Variants in AJAP1 observed in about 807,000 individuals in gnomAD.
AJAP1 encodes adherens junctions associated protein 1, also known as adherens junction-associated protein 1.
AJAP1 carries 5 observed loss-of-function variants against 35.0 expected under a neutral mutation model. That is an observed-to-expected ratio of 0.14 (90% CI 0.07 to 0.30). The LOEUF (loss-of-function observed/expected upper bound fraction) is 0.30, where lower values mean the gene tolerates loss of function less well. AJAP1 is among the 10% of genes least tolerant of loss of function. The probability of loss-of-function intolerance (pLI) is 1.00; values close to 1 mark genes in which losing one functional copy is unlikely to be tolerated. For synonymous variants in AJAP1, 284 were observed against 249.3 expected (o/e 1.14, Z -1.31); for missense variants, 586 against 571.0 (o/e 1.03, Z -0.27).
At chr1:4,733,946 T>C (rs1285253810) in intron 2 of AJAP1, among the ~76,000 whole-genome samples, 1 of 148,974 alleles carries the variant, frequency 6.7e-6, no homozygotes. Context: ...TCAAAGGAGG[T>C]GGGGGCGGGG....
At chr1:4,691,181 G>A (rs72857961) in intron 1 of AJAP1, among the ~76,000 whole-genome samples, 4,423 of 152,320 alleles carry the variant, frequency 0.029, 210 homozygotes, top group African/African-American at 0.1. Context: ...GTCCCCATCA[G>A]GCTCCCGGAA....
intron 2 of AJAP1, among the ~76,000 whole-genome samples, chr1:4,744,743 C>A (rs1448191841): frequency 6.6e-6 from 1 of 152,144 alleles, no homozygotes; most frequent in African/African-American, 2.4e-5. Context: ...CACATGCAGA[C>A]ACGAAACACA....
At chr1:4,658,479 C>T (rs1399310656) in intron 1 of AJAP1, among the ~76,000 whole-genome samples, 3 of 152,248 alleles carry the variant, frequency 2.0e-5, no homozygotes, top group African/African-American at 7.2e-5. Flanking sequence ...ACGCGCAGTC[C>T]ACAAACATTG....
Position 4,730,284 on chromosome 1 carries a change from A to T in AJAP1, c.829+17585A>T, listed in dbSNP as rs1640767614. Among the ~76,000 whole-genome samples the T allele has an allele frequency of 1.3e-5, 2 of 152,214 alleles. 1 individual carries two copies. Among genetic ancestry groups the T allele is most frequent in the South Asian group, 4.1e-4 (2 of 4,830 alleles). On this transcript the variant is annotated intron_variant, in intron 2 of 5. Coordinates refer to ENST00000378191, the MANE Select transcript of AJAP1 (RefSeq NM_018836.4). ...TGTAGCCAAGGTGTCTTGTAAACTT[A>T]GATTTTATTGTTAACTTTGGCTCCT...
chr1:4,656,206 GT>G lies in AJAP1; in HGVS notation c.29+753del, dbSNP rs913234697. Among the ~76,000 whole-genome samples, 2 of 152,206 alleles carry G rather than the reference GT, an allele frequency of 1.3e-5. No homozygotes were observed. Among genetic ancestry groups the G allele is most frequent in the African/African-American group, 4.8e-5 (2 of 41,468 alleles). ...AGGGGGTTCGAGCCTAGAGCCCGTGGTGGGGGTGTCCAGAAAGACCCTTCTC... is the reference window on the plus strand; with the variant it reads ...AGGGGGTTCGAGCCTAGAGCCCGTGGGGGGGTGTCCAGAAAGACCCTTCTC... On this transcript the variant is annotated intron_variant, in intron 1 of 5. Transcript: ENST00000378191. The surrounding 1 kb of genome is among the most constrained non-coding windows in gnomAD (Gnocchi z 5.7).
In AJAP1 at chr1:4,723,955, C is replaced by T. The variant is rs1640586439; in HGVS notation, c.829+11256C>T. On this transcript the variant is annotated intron_variant, in intron 2 of 5. Coordinates refer to ENST00000378191, the MANE Select transcript of AJAP1 (RefSeq NM_018836.4). The surrounding 1 kb of genome is among the most constrained non-coding windows in gnomAD (Gnocchi z 4.3). ...CCTGATGTGTGCTGTTGGCTGAGCTCGCTATAGAGACCTCAAGAGGTGTCC... is the reference window on the plus strand; with the variant it reads ...CCTGATGTGTGCTGTTGGCTGAGCTTGCTATAGAGACCTCAAGAGGTGTCC... Among the ~76,000 whole-genome samples the T allele has an allele frequency of 6.6e-6, 1 of 152,120 alleles. No individual in the cohort carries two copies. Among genetic ancestry groups the T allele is most frequent in the African/African-American group, 2.4e-5 (1 of 41,418 alleles).
Position 4,655,460 on chromosome 1 carries a change from C to T in AJAP1, c.29+6C>T, listed in dbSNP as rs748294366. On this transcript the variant is annotated splice_donor_region_variant and intron_variant, in intron 1 of 5. Transcript: ENST00000378191. This position sits in a 1 kb window ranked among gnomAD's most constrained non-coding sequence, Gnocchi z 6.9. ...CAACAGCTTTTAGGACTCAGGTGAG[C>T]GACCCGGCCGGCGCCGGGTGCGTGT... The T allele has an allele frequency of 6.4e-7, 1 of 1,567,000 alleles. No homozygotes were observed. Among genetic ancestry groups the T allele is most frequent in the South Asian group, 1.1e-5 (1 of 87,274 alleles).
rs114067416 is a variant in AJAP1 at position 4,698,606 on chromosome 1, A to G, written c.30-13294A>G. On this transcript the variant is annotated intron_variant, in intron 1 of 5. Transcript: ENST00000378191. ...GGCCCTCTCCCACCCTCAGTCAACC[A>G]CAGGGCCTCCTCCCCTGGCCACCTG... Among the ~76,000 whole-genome samples the G allele has an allele frequency of 4.8e-3, 723 of 152,200 alleles. 6 individuals are homozygous for G. Among genetic ancestry groups the G allele is most frequent in the African/African-American group, 0.016 (676 of 41,508 alleles).
chr1:4,698,832 C>T (rs1255550095), intron 1 of AJAP1, among the ~76,000 whole-genome samples: 1 of 152,218 alleles, frequency 6.6e-6, no homozygotes, highest in Non-Finnish European at 1.5e-5. Context: ...GCCTTAGCCA[C>T]ACTGAGCCCC....
At chr1:4,758,282 G>A (rs925066458) in intron 2 of AJAP1, among the ~76,000 whole-genome samples, 6 of 152,104 alleles carry the variant, frequency 3.9e-5, no homozygotes, top group Non-Finnish European at 8.8e-5. Flanking sequence ...GATCCTATAC[G>A]AGCATGAGAA....
intron 1 of AJAP1, among the ~76,000 whole-genome samples, chr1:4,677,946 T>C (rs1639397558): frequency 6.6e-6 from 1 of 152,220 alleles, no homozygotes; most frequent in Non-Finnish European, 1.5e-5. Context: ...GTTATGTTCA[T>C]GAGTAGCACA....
chr1:4,770,073 A>G (rs1641801119), intron 3 of AJAP1, 133 bp downstream of exon 3: 1 of 795,162 alleles, frequency 1.3e-6, no homozygotes, highest in Non-Finnish European at 2.1e-6. Flanking sequence ...TTCAGCTGCC[A>G]CAGGCTGCTC....
At chr1:4,657,054 C>T in intron 1 of AJAP1, among the ~76,000 whole-genome samples, 1 of 152,202 alleles carries the variant, frequency 6.6e-6, no homozygotes, top group East Asian at 1.9e-4. Context: ...CTCCGACCTG[C>T]TTCCTGAGCT....
chr1:4,718,227 G>A lies in AJAP1; in HGVS notation c.829+5528G>A, dbSNP rs1570151567. Among the ~76,000 whole-genome samples, 4 of 152,238 alleles carry A rather than the reference G, an allele frequency of 2.6e-5. No homozygotes were observed. In the South Asian group the frequency reaches 8.3e-4, roughly 32 times the overall value. On this transcript the variant is annotated intron_variant, in intron 2 of 5. Transcript: ENST00000378191. ...AGAGCACTCCCTCTGTTTTTGCTGA[G>A]CAAACTTGTGTTCATACCAAATGGA...
At chr1:4,713,861 G>T (rs1448359480) in intron 2 of AJAP1, among the ~76,000 whole-genome samples, 1 of 152,240 alleles carries the variant, frequency 6.6e-6, no homozygotes, top group Non-Finnish European at 1.5e-5. Context: ...GGCTCGGTAG[G>T]CCCCACCCAG....
intron 2 of AJAP1, among the ~76,000 whole-genome samples, chr1:4,769,235 T>G (rs1162369074): frequency 6.6e-6 from 1 of 152,124 alleles, no homozygotes; most frequent in Non-Finnish European, 1.5e-5. Context: ...CCTGGAACCT[T>G]GTGAAGCAGT....
chr1:4,669,593 C>T (rs1274646015), intron 1 of AJAP1, among the ~76,000 whole-genome samples: 2 of 152,288 alleles, frequency 1.3e-5, no homozygotes, highest in Non-Finnish European at 2.9e-5. Flanking sequence ...CACCTGGTCC[C>T]GCCCTTGATT....
intron 1 of AJAP1, among the ~76,000 whole-genome samples, chr1:4,661,357 C>T (rs919353728): frequency 2.0e-5 from 3 of 152,230 alleles, no homozygotes; most frequent in Non-Finnish European, 4.4e-5. Context: ...AACTGTTCAG[C>T]CATTCTGCAT....
intron 4 of AJAP1, among the ~76,000 whole-genome samples, chr1:4,773,947 C>T (rs1641892476): frequency 6.6e-6 from 1 of 152,116 alleles, no homozygotes; most frequent in Non-Finnish European, 1.5e-5. Flanking sequence ...GCCTTTTGGC[C>T]CAAGGTCATG....
Sources: gnomAD v4.1 joint callset for allele counts (sites outside exome capture counted in the v4.1 genomes callset) on GRCh38, gnomAD v4.1.1 for gene constraint, Gnocchi (gnomAD v3.1) non-coding constraint, MANE v1.5 for transcripts, NCBI Gene and HGNC (gene_info 2026-07-23, HGNC 2026-07-21) for gene names.